Variants in YBX1 observed in about 807,000 individuals in gnomAD.
The protein encoded by YBX1 is Y-box binding protein 1.
In YBX1, 3 loss-of-function variants were observed where a neutral mutation model predicts 41.4. That is an observed-to-expected ratio of 0.07 (90% CI 0.03 to 0.19). The LOEUF is 0.19. Ranked by LOEUF, YBX1 falls within the 10% of genes least tolerant of loss-of-function variation. The pLI is 1.00. For synonymous variants in YBX1, 133 were observed against 165.8 expected (o/e 0.80, Z 1.52); for missense variants, 274 against 462.8 (o/e 0.59, Z 3.74).
chr1:42,683,476 C>T lies in YBX1; in HGVS notation c.230+10C>T, dbSNP rs758615677. On this transcript the variant is annotated intron_variant, in intron 2 of 7. Transcript: ENST00000321358. Reference sequence around the variant, plus strand: ...ATGGTTTCATCAACAGGTGAGCTGCCGGGCTCTGAAGCCTCCATCCCACCT... The same window carrying T: ...ATGGTTTCATCAACAGGTGAGCTGCTGGGCTCTGAAGCCTCCATCCCACCT... 1 of 1,612,878 alleles carries T rather than the reference C, an allele frequency of 6.2e-7. No individual in the cohort carries two copies. Among genetic ancestry groups the T allele is most frequent in the Non-Finnish European group, 8.5e-7 (1 of 1,179,982 alleles).
chr1:42,700,619 C>G (rs373528367), intron 6 of YBX1, among the ~76,000 whole-genome samples, 162 bp from the exon 7 acceptor site: 6 of 133,956 alleles, frequency 4.5e-5, no homozygotes, highest in Non-Finnish European at 6.4e-5. Flanking sequence ...TCCCCCCCCC[C>G]CCAAAAAAAA....
At chr1:42,690,967 GA>G (rs113965505) in intron 2 of YBX1, among the ~76,000 whole-genome samples, 10 of 152,314 alleles carry the variant, frequency 6.6e-5, no homozygotes, top group African/African-American at 2.2e-4. Flanking sequence ...AAACTGAACA[GA>G]AAAGAATAGT....
intron 2 of YBX1, among the ~76,000 whole-genome samples, chr1:42,685,613 G>C (rs1303342788): frequency 6.6e-6 from 1 of 152,244 alleles, no homozygotes; most frequent in Non-Finnish European, 1.5e-5. Context: ...GAGGGAGGGA[G>C]ACAGACTGAC....
intron 2 of YBX1, among the ~76,000 whole-genome samples, chr1:42,690,779 C>G (rs1450431999): frequency 6.6e-6 from 1 of 152,326 alleles, no homozygotes; most frequent in East Asian, 1.9e-4. Flanking sequence ...GAAATTCTAA[C>G]AGGTAGCTTT....
At chr1:42,684,298 C>G (rs985051702) in intron 2 of YBX1, among the ~76,000 whole-genome samples, 1 of 152,180 alleles carries the variant, frequency 6.6e-6, no homozygotes, top group African/African-American at 2.4e-5. Context: ...TCCATGGGCT[C>G]CCTTGTAAGC....
At chr1:42,691,081 C>T (rs1438782344) in intron 2 of YBX1, among the ~76,000 whole-genome samples, 2 of 152,228 alleles carry the variant, frequency 1.3e-5, no homozygotes, top group Non-Finnish European at 2.9e-5. Context: ...ACTAGAGATT[C>T]TGGCTGGTTG....
chr1:42,688,680 T>C (rs1043317204), intron 2 of YBX1, among the ~76,000 whole-genome samples: 7 of 152,178 alleles, frequency 4.6e-5, no homozygotes, highest in African/African-American at 1.7e-4. Flanking sequence ...AAGTCTTCAA[T>C]AGCACCATGG....
intron 2 of YBX1, among the ~76,000 whole-genome samples, chr1:42,691,171 A>G (rs901175279): frequency 6.6e-6 from 1 of 152,218 alleles, no homozygotes; most frequent in Non-Finnish European, 1.5e-5. Flanking sequence ...TTTTATTGCA[A>G]TTGAGGACGT....
intron 1 of YBX1, chr1:42,683,114 C>T (rs755746800): frequency 6.8e-6 from 4 of 588,208 alleles, no homozygotes; most frequent in South Asian, 6.4e-5. Context: ...ACCGCCTACG[C>T]AGGCCGGAGC....
At chr1:42,701,608 GTGGTTTATCA>G (rs1326181150) in intron 7 of YBX1, among the ~76,000 whole-genome samples, 2 of 151,708 alleles carry the variant, frequency 1.3e-5, no homozygotes, top group African/African-American at 2.4e-5. Flanking sequence ...AGAATGACAC[GTGGTTTATCA>G]TGGTTTATTT....
intron 2 of YBX1, among the ~76,000 whole-genome samples, chr1:42,690,728 C>T (rs909607778): frequency 2.6e-5 from 4 of 152,332 alleles, no homozygotes; most frequent in Non-Finnish European, 4.4e-5. Context: ...TCTCTTTCTC[C>T]AACCCCTTTT....
rs942044966 is a variant in YBX1 at position 42,703,217 on chromosome 1, C to T, written c.*1268C>T. On this transcript the variant is annotated 3_prime_UTR_variant, in exon 8 of 8. Transcript: ENST00000321358. Reference sequence around the variant, plus strand: ...GGGATTACAGGTGTGAGCCACCGCACCTGGCCTCTCTGGCTTTTGTTTTCT... The same window carrying T: ...GGGATTACAGGTGTGAGCCACCGCATCTGGCCTCTCTGGCTTTTGTTTTCT... Among the ~76,000 whole-genome samples, 5 of 152,146 alleles carry T rather than the reference C, an allele frequency of 3.3e-5. No homozygotes were observed. The highest frequency in any genetic ancestry group is 2.1e-4 in the South Asian group (1 of 4,824).
chr1:42,682,659 A>T lies in YBX1; in HGVS notation c.94A>T (p.Ser32Cys). 11 of 1,329,246 alleles carry T rather than the reference A, an allele frequency of 8.3e-6. No homozygotes were observed. Among genetic ancestry groups the T allele is most frequent in the Non-Finnish European group, 1.0e-5 (11 of 1,048,946 alleles). 82.3% of individuals were successfully genotyped at this position (1,329,246 alleles called of 1,614,324 possible). Residue 32 changes from serine to cysteine, a missense_variant, in exon 1 of 8, where the codon AGC (serine) becomes TGC (cysteine). Coordinates refer to ENST00000321358, the MANE Select transcript of YBX1 (RefSeq NM_004559.5). ...AADTKPGTTG[S>C]GAGSGGPGGL... ...CGACACCAAGCCCGGCACTACGGGC[A>T]GCGGCGCAGGGAGCGGTGGCCCGGG...
intron 6 of YBX1, among the ~76,000 whole-genome samples, chr1:42,699,794 G>C (rs767419942): frequency 2.6e-5 from 4 of 152,018 alleles, no homozygotes; most frequent in Non-Finnish European, 4.4e-5. Context: ...ACAGGTCCTA[G>C]ATTAAGAATG....
rs371459628 is a variant in YBX1 at position 42,700,875 on chromosome 1, C to T, written c.835C>T (p.Arg279Cys). 2.0e-5 allele frequency: 32 copies of T among 1,613,908 alleles called. 1 individual carries two copies. Among genetic ancestry groups the T allele is most frequent in the East Asian group, 2.2e-5 (1 of 44,878 alleles). Residue 279 changes from arginine to cysteine, a missense_variant, in exon 7 of 8, where the codon CGT becomes TGT. This residue lies in a region of YBX1 where 187 missense variants were observed against 306.3 expected (regional missense o/e 0.61). Transcript: ENST00000321358. ...DETQGQQPPQ[R>C]RYRRNFNYRR... The stretch of plus-strand genomic sequence containing the variant: ...GACCCAAGGTCAGCAGCCACCTCAA[C>T]GTCGGTACCGCCGCAACTTCAATTA...
chr1:42,696,924 G>T lies in YBX1; in HGVS notation c.637G>T (p.Val213Leu). 1.9e-6 allele frequency: 3 copies of T among 1,559,058 alleles called. No homozygotes were observed. The highest frequency in any genetic ancestry group is 2.6e-6 in the Non-Finnish European group (3 of 1,151,782). Residue 213 changes from valine (V) to leucine (L), a missense_variant, in exon 5 of 8, where the codon GTG becomes TTG. Val to Leu is a conservative substitution (Grantham distance 32). Coordinates refer to ENST00000321358, the MANE Select transcript of YBX1 (RefSeq NM_004559.5). The surrounding 1 kb of genome is among the most constrained non-coding windows in gnomAD (Gnocchi z 5.7). ...TCGACCACAGTATTCCAACCCTCCT[G>T]TGCAGGGAGAAGTGATGGAGGTAAG... The part of the protein sequence containing the change: ...GRRPQYSNPP[V>L]QGEVMEGADN...
intron 2 of YBX1, among the ~76,000 whole-genome samples, chr1:42,691,314 T>A (rs1650322291): frequency 6.6e-6 from 1 of 152,198 alleles, no homozygotes; most frequent in African/African-American, 2.4e-5. Flanking sequence ...AACACCTCCC[T>A]GTCTTTGCAG....
Position 42,696,522 on chromosome 1 carries a change from C to CG in YBX1, c.355-120_355-119insG. On this transcript the variant is annotated intron_variant, in intron 4 of 7. Coordinates refer to ENST00000321358, the MANE Select transcript of YBX1 (RefSeq NM_004559.5). This position sits in a 1 kb window ranked among gnomAD's most constrained non-coding sequence, Gnocchi z 5.7. ...GGTCACGCAGTTGCGCCCCCCCCCC[C>CG]TTTTTTTTCCTTAACTTTGTTGTTT... The CG allele has an allele frequency of 3.1e-6, 2 of 637,564 alleles. No homozygotes were observed. Among genetic ancestry groups the CG allele is most frequent in the Non-Finnish European group, 4.8e-6 (2 of 420,682 alleles). The allele number at this position is 637,564 out of a possible 1,614,324, so 39.5% of individuals were successfully genotyped here.
At chr1:42,691,194 C>A (rs1263584828) in intron 2 of YBX1, among the ~76,000 whole-genome samples, 1 of 152,176 alleles carries the variant, frequency 6.6e-6, no homozygotes, top group Non-Finnish European at 1.5e-5. Context: ...TCAGTAAATA[C>A]CTTGAGCTTG....
Sources: allele counts gnomAD v4.1 joint callset (sites outside exome capture counted in the v4.1 genomes callset), GRCh38; gene constraint gnomAD v4.1.1; regional missense constraint gnomAD v4.1.1; non-coding constraint Gnocchi (gnomAD v3.1); transcripts MANE v1.5; gene names NCBI Gene and HGNC (gene_info 2026-07-23, HGNC 2026-07-21).